Variants in SGK3 observed in about 807,000 individuals in gnomAD.
The protein encoded by SGK3 is serum/glucocorticoid regulated kinase family member 3, also known as serine/threonine-protein kinase Sgk3.
A neutral mutation model predicts 68.5 loss-of-function variants in SGK3; 47 were observed. The ratio of observed to expected loss-of-function variants is 0.69; its 90% confidence interval spans 0.54 to 0.87. The LOEUF is 0.87. Ranked by LOEUF, SGK3 falls within the 40% of genes least tolerant of loss-of-function variation. The pLI, the probability that SGK3 is intolerant of heterozygous loss-of-function variation, is 0.00. For synonymous variants in SGK3, 181 were observed against 189.1 expected (o/e 0.96, Z 0.35); for missense variants, 479 against 575.5 (o/e 0.83, Z 1.72).
chr8:66,812,575 A>G (rs1266197244), intron 4 of SGK3, among the ~76,000 whole-genome samples: 1 of 151,752 alleles, frequency 6.6e-6, no homozygotes, highest in Admixed American at 6.6e-5. Flanking sequence ...AAAAAAAAAG[A>G]GGGTTTAGGA....
At position 66,831,250 on chromosome 8, in the gene SGK3, T is replaced by C; in HGVS notation, c.468-4T>C. ...GGCTAATTCTTATTGTTAATTTATTTCAGTGCCAAACCAACTGACTTTGAT... is the reference window on the plus strand; with the variant it reads ...GGCTAATTCTTATTGTTAATTTATTCCAGTGCCAAACCAACTGACTTTGAT... On this transcript the variant is annotated splice_region_variant and splice_polypyrimidine_tract_variant and intron_variant, in intron 7 of 16. Coordinates refer to ENST00000521198, the MANE Select transcript of SGK3 (RefSeq NM_001033578.3). The C allele has an allele frequency of 1.9e-6, 3 of 1,614,106 alleles. No individual in the cohort carries two copies. The highest frequency in any genetic ancestry group is 2.5e-6 in the Non-Finnish European group (3 of 1,179,964).
chr8:66,726,511 G>T (rs754801473), intron 1 of SGK3, among the ~76,000 whole-genome samples: 11 of 151,990 alleles, frequency 7.2e-5, no homozygotes, highest in Non-Finnish European at 1.2e-4. Context: ...TTGAAAATGG[G>T]CTTTCATTTT....
chr8:66,780,087 A>G (rs894955296), intron 1 of SGK3, among the ~76,000 whole-genome samples: 3 of 152,238 alleles, frequency 2.0e-5, no homozygotes. Flanking sequence ...TAAACACTAC[A>G]TAAGTATCAT....
intron 1 of SGK3, among the ~76,000 whole-genome samples, chr8:66,791,949 A>G (rs1034240384): frequency 6.6e-6 from 1 of 152,204 alleles, no homozygotes; most frequent in Non-Finnish European, 1.5e-5. Flanking sequence ...TTAGAATGCT[A>G]TAATTTACAG....
At chr8:66,732,198 C>T (rs1805176404) in intron 1 of SGK3, among the ~76,000 whole-genome samples, 1 of 152,058 alleles carries the variant, frequency 6.6e-6, no homozygotes, top group African/African-American at 2.4e-5. Flanking sequence ...GTAGAAAGGC[C>T]ATGTGAGATC....
intron 1 of SGK3, among the ~76,000 whole-genome samples, chr8:66,784,516 T>C (rs1807121118): frequency 1.3e-5 from 2 of 152,138 alleles, no homozygotes; most frequent in Admixed American, 6.5e-5. Flanking sequence ...TTATGATGGG[T>C]TAAGGAAGTA....
chr8:66,845,624 C>CT (rs555551366), intron 14 of SGK3, among the ~76,000 whole-genome samples: 6 of 152,204 alleles, frequency 3.9e-5, no homozygotes, highest in African/African-American at 1.4e-4. Context: ...TTCCCAGGCT[C>CT]TGATGCTTCT....
rs1805993215 is a variant in SGK3 at position 66,756,843 on chromosome 8, G to A, written c.-121-36773G>A. 4.0e-5 allele frequency among the ~76,000 whole-genome samples: 6 copies of A among 151,524 alleles called. No individual in the cohort carries two copies. In the South Asian group the frequency reaches 8.3e-4, roughly 21 times the overall value. The stretch of plus-strand genomic sequence containing the variant: ...TAAGCTCAAGCAGTCTGCCTGCCTC[G>A]GCCTCCCAAAGTGCTGGGATTACAG... On this transcript the variant is annotated intron_variant, in intron 1 of 16. Transcript: ENST00000521198.
intron 1 of SGK3, among the ~76,000 whole-genome samples, chr8:66,771,515 G>C (rs1420193942): frequency 6.6e-6 from 1 of 152,162 alleles, no homozygotes; most frequent in Non-Finnish European, 1.5e-5. Flanking sequence ...ACCTTAATAG[G>C]ACATAGAGCT....
intron 3 of SGK3, among the ~76,000 whole-genome samples, chr8:66,803,462 T>C (rs1380036833): frequency 8.4e-6 from 1 of 118,344 alleles, no homozygotes; most frequent in Non-Finnish European, 1.6e-5. Context: ...CCCAAAGTGC[T>C]GGGATTACAG....
chr8:66,788,335 T>TTTTTGGTTTA, intron 1 of SGK3, among the ~76,000 whole-genome samples: 1 of 152,302 alleles, frequency 6.6e-6, no homozygotes, highest in South Asian at 2.1e-4. Context: ...TTTTACATAG[T>TTTTTGGTTTA]CTCTTGGTTT....
intron 1 of SGK3, among the ~76,000 whole-genome samples, chr8:66,775,898 T>C (rs2130504337): frequency 6.8e-6 from 1 of 146,338 alleles, no homozygotes; most frequent in African/African-American, 2.8e-5. Context: ...ACTTGGGCAA[T>C]TTGCCTAACT....
At chr8:66,854,868 G>T (rs966451804) in intron 16 of SGK3, among the ~76,000 whole-genome samples, 2 of 152,102 alleles carry the variant, frequency 1.3e-5, no homozygotes, top group Non-Finnish European at 2.9e-5. Flanking sequence ...CTAGGTATGG[G>T]CTGAACACAG....
At position 66,719,479 on chromosome 8, in the gene SGK3, G is replaced by A. The variant is rs1804738600; in HGVS notation, c.-122+6646G>A. On this transcript the variant is annotated intron_variant, in intron 1 of 16. Transcript: ENST00000521198. ...GTACTGGTATGTGCCACCATACCCAGCTAATTCTTTTTAATTTTTAATAGA... is the reference window on the plus strand; with the variant it reads ...GTACTGGTATGTGCCACCATACCCAACTAATTCTTTTTAATTTTTAATAGA... Among the ~76,000 whole-genome samples, 6 of 152,026 alleles carry A rather than the reference G, an allele frequency of 3.9e-5. No individual in the cohort carries two copies. In the South Asian group the frequency reaches 1.2e-3, roughly 32 times the overall value.
At chr8:66,740,906 C>CAAAAA (rs899256897) in intron 1 of SGK3, among the ~76,000 whole-genome samples, 3 of 42,732 alleles carry the variant, frequency 7.0e-5, no homozygotes, top group Admixed American at 2.3e-4. Context: ...GACTCTGTCT[C>CAAAAA]AAAAAAAAAA....
intron 1 of SGK3, among the ~76,000 whole-genome samples, chr8:66,722,854 G>A (rs548433314): frequency 4.0e-5 from 6 of 151,860 alleles, no homozygotes; most frequent in Admixed American, 6.6e-5. Context: ...ATCACGTGGC[G>A]AAAACAGGAG....
chr8:66,723,090 CATATATATATATATATAT>C lies in SGK3; in HGVS notation c.-122+10282_-122+10299del, dbSNP rs1168038766. Among the ~76,000 whole-genome samples, 87 of 21,274 alleles carry C rather than the reference CATATATATATATATATAT, an allele frequency of 4.1e-3. 4 individuals carry two copies. The highest frequency in any genetic ancestry group is 0.05 in the Middle Eastern group (1 of 20). The allele number at this position is 21,274 out of a possible 152,430, so 14.0% of individuals were successfully genotyped here. On this transcript the variant is annotated intron_variant, in intron 1 of 16. Transcript: ENST00000521198. ...AAACATTCAGAAGTAAGATTTTGTTCATATATATATATATATATATATATATATATATATATATATATT... is the reference window on the plus strand; with the variant it reads ...AAACATTCAGAAGTAAGATTTTGTTCATATATATATATATATATATATATT...
intron 16 of SGK3, among the ~76,000 whole-genome samples, chr8:66,853,265 A>G (rs1810365942): frequency 6.6e-6 from 1 of 152,216 alleles, no homozygotes; most frequent in Non-Finnish European, 1.5e-5. Flanking sequence ...AAATATATAA[A>G]GAGAAGAGTT....
chr8:66,754,595 C>T (rs1563610667), intron 1 of SGK3, among the ~76,000 whole-genome samples: 1 of 152,314 alleles, frequency 6.6e-6, no homozygotes, highest in East Asian at 1.9e-4. Flanking sequence ...AGACGAAATT[C>T]CCATTTATGT....
Sources: gnomAD v4.1 joint callset for allele counts (sites outside exome capture counted in the v4.1 genomes callset) on GRCh38, gnomAD v4.1.1 for gene constraint, MANE v1.5 for transcripts, NCBI Gene and HGNC (gene_info 2026-07-23, HGNC 2026-07-21) for gene names.